Variants in GNAQ observed in about 807,000 individuals in gnomAD.
The protein encoded by GNAQ is guanine nucleotide-binding protein G(q) subunit alpha.
Under a neutral mutation model 43.9 loss-of-function variants are expected in GNAQ, and 8 were observed. That is an observed-to-expected ratio of 0.18 (90% CI 0.11 to 0.33). The LOEUF is 0.33. GNAQ is among the 10% of genes least tolerant of loss of function. The pLI is 1.00. For missense variants in GNAQ, 158 were observed against 450.8 expected (o/e 0.35, Z 5.88); for synonymous variants, 155 against 170.7 (o/e 0.91, Z 0.71).
chr9:77,994,059 C>T (rs1168899319), intron 1 of GNAQ, among the ~76,000 whole-genome samples: 1 of 152,232 alleles, frequency 6.6e-6, no homozygotes. Context: ...CTCTGTTGCC[C>T]AGGCTGGAGT....
intron 1 of GNAQ, among the ~76,000 whole-genome samples, chr9:77,964,186 CATA>C (rs1823138834): frequency 6.6e-6 from 1 of 152,110 alleles, no homozygotes; most frequent in South Asian, 2.1e-4. Flanking sequence ...ACAATCATTT[CATA>C]ATGATAAACC....
intron 1 of GNAQ, among the ~76,000 whole-genome samples, chr9:77,999,092 C>CAA (rs56358201): frequency 0.013 from 671 of 52,562 alleles, 51 homozygotes; most frequent in African/African-American, 0.028. Flanking sequence ...AACTCTGTCT[C>CAA]AAAAAAAAAA....
chr9:77,727,808 T>G (rs1031568061), intron 6 of GNAQ, among the ~76,000 whole-genome samples: 8 of 152,256 alleles, frequency 5.3e-5, no homozygotes, highest in African/African-American at 1.7e-4. Context: ...GATCTCAACC[T>G]TGATAGACTG....
chr9:77,805,089 A>C (rs895126883), intron 3 of GNAQ, among the ~76,000 whole-genome samples: 2 of 152,208 alleles, frequency 1.3e-5, no homozygotes, highest in Non-Finnish European at 2.9e-5. Context: ...GACCTGCAAA[A>C]ACAAATGAAG....
At chr9:77,870,237 T>C (rs921430326) in intron 2 of GNAQ, among the ~76,000 whole-genome samples, 2 of 152,082 alleles carry the variant, frequency 1.3e-5, no homozygotes. Flanking sequence ...AATTTAGTTA[T>C]GCGATATTGA....
intron 2 of GNAQ, among the ~76,000 whole-genome samples, chr9:77,889,870 A>G (rs1194872657): frequency 6.6e-6 from 1 of 152,208 alleles, no homozygotes; most frequent in Non-Finnish European, 1.5e-5. Context: ...ATAAACTGAC[A>G]TTTCATCCCA....
chr9:77,960,192 G>T (rs1430390415), intron 1 of GNAQ, among the ~76,000 whole-genome samples: 2 of 152,022 alleles, frequency 1.3e-5, no homozygotes, highest in African/African-American at 4.8e-5. Flanking sequence ...TTTTATTTTT[G>T]TATTGCATTT....
At chr9:77,894,385 GAA>G (rs369557888) in intron 2 of GNAQ, among the ~76,000 whole-genome samples, 9 of 1,756 alleles carry the variant, frequency 5.1e-3, no homozygotes, top group African/African-American at 0.011. Context: ...ATATTTAATA[GAA>G]AAAAAATATA....
At chr9:78,005,740 T>C (rs1003844096) in intron 1 of GNAQ, among the ~76,000 whole-genome samples, 2 of 152,114 alleles carry the variant, frequency 1.3e-5, no homozygotes, top group African/African-American at 4.8e-5. Flanking sequence ...CTTAACCAAG[T>C]AGAGGCCTTC....
At chr9:77,996,427 C>G (rs1419552188) in intron 1 of GNAQ, among the ~76,000 whole-genome samples, 1 of 152,036 alleles carries the variant, frequency 6.6e-6, no homozygotes, top group Non-Finnish European at 1.5e-5. Flanking sequence ...CGCCTGTAAT[C>G]CCAGCACTTT....
chr9:77,815,855 G>A, intron 2 of GNAQ, 85 bp from the exon 3 acceptor site: 1 of 788,956 alleles, frequency 1.3e-6, no homozygotes, highest in Non-Finnish European at 2.1e-6. Context: ...ATACAATTCA[G>A]GTAACACCTT....
chr9:77,894,364 A>AT (rs1564143571), intron 2 of GNAQ, among the ~76,000 whole-genome samples: 8 of 370 alleles, frequency 0.022, 2 homozygotes, highest in Admixed American at 0.14. Context: ...GAAAATATAT[A>AT]TATTATATAT....
intron 1 of GNAQ, among the ~76,000 whole-genome samples, chr9:77,944,310 G>A (rs566226150): frequency 2.0e-5 from 3 of 150,446 alleles, no homozygotes; most frequent in South Asian, 2.1e-4. Flanking sequence ...CAAATCTTCC[G>A]CCATACCAGA....
intron 1 of GNAQ, 70 bp from the exon 2 acceptor site, chr9:77,922,415 T>G: frequency 9.4e-7 from 1 of 1,065,328 alleles, no homozygotes; most frequent in Non-Finnish European, 1.4e-6. Flanking sequence ...CTAAACCAAA[T>G]ACCATGCCTT....
chr9:77,741,016 T>C (rs1825645847), intron 5 of GNAQ, among the ~76,000 whole-genome samples: 1 of 152,260 alleles, frequency 6.6e-6, no homozygotes, highest in African/African-American at 2.4e-5. Flanking sequence ...GTTTGGATGC[T>C]GAACTTTAAA....
At chr9:77,872,788 G>T (rs1473625939) in intron 2 of GNAQ, among the ~76,000 whole-genome samples, 2 of 152,116 alleles carry the variant, frequency 1.3e-5, no homozygotes, top group Non-Finnish European at 2.9e-5. Flanking sequence ...CCTCTTTAGG[G>T]ATACAATACA....
At chr9:77,795,760 C>T (rs1826647564) in intron 4 of GNAQ, among the ~76,000 whole-genome samples, 1 of 152,148 alleles carries the variant, frequency 6.6e-6, no homozygotes, top group Admixed American at 6.5e-5. Flanking sequence ...TAATACGCTA[C>T]TAATTTACGT....
At chr9:77,746,837 G>T (rs1030432546) in intron 5 of GNAQ, among the ~76,000 whole-genome samples, 1 of 152,090 alleles carries the variant, frequency 6.6e-6, no homozygotes, top group Non-Finnish European at 1.5e-5. Context: ...TTTGAGACAC[G>T]AAGACAATAA....
Position 77,957,281 on chromosome 9 carries a change from G to A in GNAQ, c.137-34936C>T, listed in dbSNP as rs114871269. ...TGAGACAGGAGAATTGCACGAACACGGGAGGTGGAAGTTGCAGTGAGCTGA... is the reference window on the plus strand; with the variant it reads ...TGAGACAGGAGAATTGCACGAACACAGGAGGTGGAAGTTGCAGTGAGCTGA... On this transcript the variant is annotated intron_variant, in intron 1 of 6. Coordinates refer to ENST00000286548, the MANE Select transcript of GNAQ (RefSeq NM_002072.5). Among the ~76,000 whole-genome samples the A allele has an allele frequency of 1.0e-2, 1,521 of 152,108 alleles. 18 individuals carry two copies. The highest frequency in any genetic ancestry group is 0.034 in the African/African-American group (1,409 of 41,494).
Sources: gnomAD v4.1 joint callset for allele counts (sites outside exome capture counted in the v4.1 genomes callset) on GRCh38, gnomAD v4.1.1 for gene constraint, MANE v1.5 for transcripts, NCBI Gene and HGNC (gene_info 2026-07-23, HGNC 2026-07-21) for gene names.